The following KLKB1 variants were observed in gnomAD, a reference collection of about 807,000 sequenced individuals.
The protein encoded by KLKB1 is plasma kallikrein.
Under a neutral mutation model 73.6 loss-of-function variants are expected in KLKB1, and 58 were observed. The observed-to-expected ratio is 0.79, with a 90% CI of 0.64 to 0.98. KLKB1 has a LOEUF of 0.98. Ranked by LOEUF, KLKB1 falls within the 50% of genes least tolerant of loss-of-function variation. The pLI, the probability that KLKB1 is intolerant of heterozygous loss-of-function variation, is 0.00. For synonymous variants in KLKB1, 280 were observed against 258.1 expected (o/e 1.08, Z -0.81); for missense variants, 737 against 763.8 (o/e 0.96, Z 0.41).
At chr4:186,249,775 A>G (rs1738569109) in intron 6 of KLKB1, among the ~76,000 whole-genome samples, 1 of 152,248 alleles carries the variant, frequency 6.6e-6, no homozygotes, top group Non-Finnish European at 1.5e-5. Flanking sequence ...AAACTAAGAT[A>G]TAAGATCATA....
intron 2 of KLKB1, among the ~76,000 whole-genome samples, chr4:186,217,461 C>T (rs1206082755): frequency 6.6e-6 from 1 of 152,188 alleles, no homozygotes; most frequent in African/African-American, 2.4e-5. Flanking sequence ...ACTTCCTTCT[C>T]ACCAGAAAAT....
At chr4:186,227,106 G>T (rs1737192406), upstream of KLKB1, among the ~76,000 whole-genome samples, 1 of 152,132 alleles carries the variant, frequency 6.6e-6, no homozygotes, top group African/African-American at 2.4e-5. Flanking sequence ...CCTCCTCCAT[G>T]CAAGAGGGCA....
chr4:186,218,259 G>T (rs1354047690), intron 2 of KLKB1, among the ~76,000 whole-genome samples: 1 of 152,168 alleles, frequency 6.6e-6, no homozygotes, highest in Non-Finnish European at 1.5e-5. Flanking sequence ...TTGGTAGGGT[G>T]TAGGAAGGCA....
In KLKB1 at chr4:186,251,204, T is replaced by TC; in HGVS notation, c.759-15_759-14insC. The TC allele has an allele frequency of 6.4e-7, 1 of 1,558,458 alleles. No individual in the cohort carries two copies. On this transcript the variant is annotated splice_polypyrimidine_tract_variant and intron_variant, in intron 7 of 14. Transcript: ENST00000264690. Reference sequence around the variant, plus strand: ...ATTTCTTTCTTTCTCTCTTGCTTTTTTTTAAAAAAAATAGAAATGTTTGTC... The same window carrying TC: ...ATTTCTTTCTTTCTCTCTTGCTTTTTCTTTAAAAAAAATAGAAATGTTTGTC...
At chr4:186,217,288 TTTG>T (rs145611982) in intron 2 of KLKB1, among the ~76,000 whole-genome samples, 1 of 151,886 alleles carries the variant, frequency 6.6e-6, no homozygotes, top group Non-Finnish European at 1.5e-5. Flanking sequence ...TCCCAGTTGT[TTTG>T]TTGTTGTTGT....
At chr4:186,228,294 C>T (rs757972050) in intron 2 of KLKB1, 41 bp downstream of exon 2, 20 of 1,339,722 alleles carry the variant, frequency 1.5e-5, no homozygotes, top group Admixed American at 6.7e-5. Context: ...CAGGCTAAGA[C>T]AGGAGTAGCC....
At chr4:186,242,514 G>T (rs934009326) in intron 6 of KLKB1, among the ~76,000 whole-genome samples, 2 of 152,102 alleles carry the variant, frequency 1.3e-5, no homozygotes, top group African/African-American at 4.8e-5. Context: ...ATGGTAAGGG[G>T]TGATATTGTG....
intron 6 of KLKB1, among the ~76,000 whole-genome samples, chr4:186,239,722 ATATTGT>A (rs1371235715): frequency 1.8e-4 from 17 of 96,396 alleles, no homozygotes; most frequent in Non-Finnish European, 2.7e-4. Context: ...TAGGACAGTG[ATATTGT>A]TATAGTTATA....
In KLKB1 at chr4:186,257,251, G is replaced by T; in HGVS notation, c.1611G>T (p.Lys537Asn). The stretch of plus-strand genomic sequence containing the variant: ...GTGAAATCCAAAATATTCTACAAAA[G>T]GTAAATATTCCTTTGGTAACAAATG... ...EKGEIQNILQKVNIPLVTNEE... is the reference protein window; with the variant it reads ...EKGEIQNILQNVNIPLVTNEE... Residue 537 changes from lysine (K) to asparagine (N), a missense_variant, in exon 14 of 15, where the codon AAG becomes AAT. Physicochemically the swap from Lys to Asn is moderately conservative, Grantham distance 94. Transcript: ENST00000264690. 6.3e-7 allele frequency: 1 copy of T among 1,594,822 alleles called. No homozygotes were observed. Among genetic ancestry groups the T allele is most frequent in the South Asian group, 1.1e-5 (1 of 88,366 alleles).
chr4:186,227,288 C>T (rs1737200703), upstream of KLKB1: 1 of 152,210 alleles, frequency 6.6e-6, no homozygotes. Context: ...TGCATGGATA[C>T]TTGTTCGAAT....
upstream of KLKB1, among the ~76,000 whole-genome samples, chr4:186,226,126 A>T (rs1319628764): frequency 6.6e-6 from 1 of 151,388 alleles, no homozygotes; most frequent in Non-Finnish European, 1.5e-5. Flanking sequence ...TATGGTTCCT[A>T]TCTATCTTTT....
At chr4:186,224,848 G>A (rs116149935), upstream of KLKB1, among the ~76,000 whole-genome samples, 3,658 of 152,290 alleles carry the variant, frequency 0.024, 156 homozygotes, top group African/African-American at 0.084. Context: ...TTGGCTCTGT[G>A]TCCTCATCCA....
Position 186,235,983 on chromosome 4 carries a change from G to A in KLKB1, c.329-798G>A, listed in dbSNP as rs182271384. Reference sequence around the variant, plus strand: ...ACAAAAATTAGCCGGGCGTGGTGGCGCGCGCCTGTAGTCCCAGCTACTCGG... The same window carrying A: ...ACAAAAATTAGCCGGGCGTGGTGGCACGCGCCTGTAGTCCCAGCTACTCGG... On this transcript the variant is annotated intron_variant, in intron 4 of 14. Transcript: ENST00000264690. Among the ~76,000 whole-genome samples, 280 of 151,870 alleles carry A rather than the reference G, an allele frequency of 1.8e-3. 1 individual carries two copies. The highest frequency in any genetic ancestry group is 6.4e-3 in the African/African-American group (264 of 41,456).
In KLKB1 at chr4:186,251,270, T is replaced by G. The variant is rs138340104; in HGVS notation, c.810T>G (p.Thr270=). 2.5e-4 allele frequency: 407 copies of G among 1,612,722 alleles called. No individual in the cohort carries two copies. The African/African-American group carries it at 5.1e-3, about 20-fold the overall frequency. ...AAAGTGGCACACCAAGTTCCTCTAC[T>G]CCTCAAGAAAACACCATATCTGGAT... The part of the protein sequence containing the change: ...TSESGTPSSS[T]PQENTISGYS... Residue 270 remains threonine (T), a synonymous_variant, in exon 8 of 15, where the codon ACT becomes ACG. Coordinates refer to ENST00000264690, the MANE Select transcript of KLKB1 (RefSeq NM_000892.5).
At chr4:186,246,392 G>A (rs1738352759) in intron 6 of KLKB1, among the ~76,000 whole-genome samples, 1 of 152,154 alleles carries the variant, frequency 6.6e-6, no homozygotes. Flanking sequence ...CAGAGACTAG[G>A]GAGGGACCAA....
At chr4:186,256,145 G>A (rs1580045657) in intron 13 of KLKB1, 58 bp downstream of exon 13, 1 of 1,052,826 alleles carries the variant, frequency 9.5e-7, no homozygotes, top group Non-Finnish European at 1.5e-6. Context: ...TGAAATACAT[G>A]GAGTGGGTCG....
chr4:186,233,104 G>A (rs998110857), intron 3 of KLKB1, among the ~76,000 whole-genome samples: 2 of 103,220 alleles, frequency 1.9e-5, no homozygotes, highest in Non-Finnish European at 4.0e-5. Context: ...TAGTAGAGAC[G>A]GGGTTTCACC....
At chr4:186,231,243 G>A (rs1251192763) in intron 2 of KLKB1, among the ~76,000 whole-genome samples, 1 of 152,216 alleles carries the variant, frequency 6.6e-6, no homozygotes, top group African/African-American at 2.4e-5. Context: ...GAATAGCCAT[G>A]GTTAATGGTC....
chr4:186,253,221 C>T (rs1738804330), intron 11 of KLKB1, among the ~76,000 whole-genome samples: 3 of 152,118 alleles, frequency 2.0e-5, no homozygotes, highest in Admixed American at 2.0e-4. Flanking sequence ...ATGGACAAAG[C>T]ATATAAAAAG....
Sources: allele counts gnomAD v4.1 joint callset (sites outside exome capture counted in the v4.1 genomes callset), GRCh38; gene constraint gnomAD v4.1.1; transcripts MANE v1.5; gene names NCBI Gene and HGNC (gene_info 2026-07-23, HGNC 2026-07-21).